The following CYP39A1 variants were observed in gnomAD, a reference collection of about 807,000 sequenced individuals.
CYP39A1 encodes the protein 24-hydroxycholesterol 7-alpha-hydroxylase.
Under a neutral mutation model 58.1 loss-of-function variants are expected in CYP39A1, and 49 were observed. The ratio of observed to expected loss-of-function variants is 0.84; its 90% CI spans 0.67 to 1.07. The LOEUF (loss-of-function observed/expected upper bound fraction) is 1.07, where lower values mean the gene tolerates loss of function less well. Among genes scored for constraint, CYP39A1 ranks in the 50% least tolerant of loss-of-function variants. The pLI is 0.00. For synonymous variants in CYP39A1, 209 were observed against 187.6 expected, an observed-to-expected ratio of 1.11 and a Z score of -0.93; for missense variants, 531 against 539.4, an observed-to-expected ratio of 0.98 and a Z score of 0.16.
At chr6:46,587,224 A>T (rs1218738035) in intron 9 of CYP39A1, 59 bp from the exon 10 acceptor site, 1 of 1,128,044 alleles carries the variant, frequency 8.9e-7, no homozygotes, top group Non-Finnish European at 1.3e-6. Context: ...GCTTAACTTT[A>T]TTTCTCTAGG....
chr6:46,588,149 T>G lies in CYP39A1; in HGVS notation c.1066-20A>C, dbSNP rs373127775. 3.4e-6 allele frequency: 5 copies of G among 1,465,528 alleles called. No individual in the cohort carries two copies. The highest frequency in any genetic ancestry group is 4.7e-5 in the East Asian group (2 of 42,604). 90.8% of individuals were successfully genotyped at this position (1,465,528 alleles called of 1,614,324 possible). A position where few individuals can be genotyped will look rare whatever the true frequency, so the allele number is the denominator to read the frequency against. On this transcript the variant is annotated intron_variant, in intron 8 of 11. Transcript: ENST00000275016. ...GTAATTCTATAACAGAAAAATCAGC[T>G]GCAAATCATTTTTTTGAAATATACT...
intron 4 of CYP39A1, 106 bp downstream of exon 4, chr6:46,637,723 C>T: frequency 1.6e-6 from 2 of 1,223,670 alleles, no homozygotes; most frequent in East Asian, 2.5e-5. Context: ...AACGGCTTCT[C>T]TCCCACTTAA....
intron 8 of CYP39A1, among the ~76,000 whole-genome samples, chr6:46,591,731 T>C (rs1772849724): frequency 6.6e-6 from 1 of 151,988 alleles, no homozygotes; most frequent in African/African-American, 2.4e-5. Context: ...ACTTAAGAAG[T>C]TTAAAAAAAA....
intron 5 of CYP39A1, among the ~76,000 whole-genome samples, chr6:46,633,833 G>T (rs973655936): frequency 1.3e-5 from 2 of 151,922 alleles, no homozygotes; most frequent in Non-Finnish European, 2.9e-5. Context: ...CTCCAGCCTG[G>T]GTGACAGAGC....
At chr6:46,637,168 C>G (rs773433547) in intron 4 of CYP39A1, among the ~76,000 whole-genome samples, 1 of 152,110 alleles carries the variant, frequency 6.6e-6, no homozygotes, top group Non-Finnish European at 1.5e-5. Flanking sequence ...CATGCTGGCC[C>G]GCTCATTTCA....
chr6:46,622,753 G>C (rs146740405), intron 7 of CYP39A1, among the ~76,000 whole-genome samples: 59 of 152,296 alleles, frequency 3.9e-4, no homozygotes, highest in African/African-American at 1.3e-3. Context: ...GGATTAGTTA[G>C]AGGAAGTAGA....
chr6:46,583,581 T>C, intron 10 of CYP39A1: 1 of 985,398 alleles, frequency 1.0e-6, no homozygotes, highest in Non-Finnish European at 1.2e-6. Flanking sequence ...TGTTTGTTTT[T>C]CTGAAACAAA....
At chr6:46,629,927 A>AT (rs1250914020) in intron 6 of CYP39A1, among the ~76,000 whole-genome samples, 3 of 151,632 alleles carry the variant, frequency 2.0e-5, no homozygotes, top group Non-Finnish European at 4.4e-5. Context: ...TGCAAGACAG[A>AT]TTTTAAAAGA....
intron 10 of CYP39A1, among the ~76,000 whole-genome samples, chr6:46,568,948 C>T (rs1771438477): frequency 6.6e-6 from 1 of 151,734 alleles, no homozygotes; most frequent in Non-Finnish European, 1.5e-5. Context: ...ATTGCGATTA[C>T]ATTGAATCTG....
chr6:46,627,792 G>T (rs1775412679), intron 6 of CYP39A1, among the ~76,000 whole-genome samples: 1 of 151,872 alleles, frequency 6.6e-6, no homozygotes, highest in African/African-American at 2.4e-5. Flanking sequence ...ATTTTTAAAA[G>T]ATAAAAAGGC....
chr6:46,567,178 T>C lies in CYP39A1; in HGVS notation c.1251-13324A>G, dbSNP rs138104670. Among the ~76,000 whole-genome samples, 386 of 152,278 alleles carry C rather than the reference T, an allele frequency of 2.5e-3. 4 individuals are homozygous for C. Among genetic ancestry groups the C allele is most frequent in the African/African-American group, 8.9e-3 (369 of 41,560 alleles). On this transcript the variant is annotated intron_variant, in intron 10 of 11. Coordinates refer to ENST00000275016, the MANE Select transcript of CYP39A1 (RefSeq NM_016593.5). ...CCCTGGTAACCACCATTCTACTCACTGTTTCAATGAGTTCAAATTTTTAGA... is the reference window on the plus strand; with the variant it reads ...CCCTGGTAACCACCATTCTACTCACCGTTTCAATGAGTTCAAATTTTTAGA...
intron 10 of CYP39A1, among the ~76,000 whole-genome samples, chr6:46,580,267 T>G (rs1231615564): frequency 6.6e-6 from 1 of 152,160 alleles, no homozygotes; most frequent in Non-Finnish European, 1.5e-5. Context: ...GATACCCTGT[T>G]CAATAAATGG....
At chr6:46,605,297 G>A (rs1183732284) in intron 7 of CYP39A1, among the ~76,000 whole-genome samples, 1 of 152,184 alleles carries the variant, frequency 6.6e-6, no homozygotes, top group African/African-American at 2.4e-5. Context: ...GGGGCTGCCA[G>A]TGTGCAAGGT....
rs1771874532 is a variant in CYP39A1 at position 46,576,884 on chromosome 6, A to G, written c.1250+10193T>C. Among the ~76,000 whole-genome samples the G allele has an allele frequency of 2.0e-5, 3 of 152,246 alleles. No homozygotes were observed. The South Asian group carries it at 6.2e-4, about 32-fold the overall frequency. On this transcript the variant is annotated intron_variant, in intron 10 of 11. Transcript: ENST00000275016. The stretch of plus-strand genomic sequence containing the variant: ...CCTACAACTTATTGGCATTCCTGAA[A>G]AAGATGGAGAGAGAACAAGCAACTT...
intron 1 of CYP39A1, among the ~76,000 whole-genome samples, chr6:46,644,946 A>C (rs1396299512): frequency 6.6e-6 from 1 of 152,144 alleles, no homozygotes; most frequent in Non-Finnish European, 1.5e-5. Context: ...CTCTTCATTG[A>C]TACATCTTGT....
At chr6:46,581,805 C>T (rs1727583) in intron 10 of CYP39A1, among the ~76,000 whole-genome samples, 59,844 of 152,016 alleles carry the variant, frequency 0.39, 14,781 homozygotes, top group African/African-American at 0.7. Context: ...GAAAAAAAGA[C>T]CACTCTTGAA....
intron 10 of CYP39A1, among the ~76,000 whole-genome samples, chr6:46,555,573 A>G (rs528810419): frequency 6.6e-6 from 1 of 152,294 alleles, no homozygotes; most frequent in South Asian, 2.1e-4. Flanking sequence ...CATATCCCTT[A>G]ACTAATGCCT....
intron 7 of CYP39A1, among the ~76,000 whole-genome samples, chr6:46,614,485 T>C (rs1199350226): frequency 6.6e-6 from 1 of 152,208 alleles, no homozygotes; most frequent in Non-Finnish European, 1.5e-5. Context: ...ACATTTCCAA[T>C]GTAAAAAGTC....
At chr6:46,600,085 G>C (rs1482186289) in intron 7 of CYP39A1, among the ~76,000 whole-genome samples, 5 of 151,720 alleles carry the variant, frequency 3.3e-5, no homozygotes, top group Non-Finnish European at 7.4e-5. Flanking sequence ...AGCATCTTTT[G>C]GTATTCATAC....
Sources: gnomAD v4.1 joint callset for allele counts (sites outside exome capture counted in the v4.1 genomes callset) on GRCh38, gnomAD v4.1.1 for gene constraint, MANE v1.5 for transcripts, NCBI Gene and HGNC (gene_info 2026-07-23, HGNC 2026-07-21) for gene names.